Variants in ZNF878 observed in about 807,000 individuals in gnomAD.
ZNF878 encodes the protein zinc finger protein 878.
Under a neutral mutation model 11.1 loss-of-function variants are expected in ZNF878, and 10 were observed. The observed-to-expected ratio is 0.90, with a 90% CI of 0.56 to 1.53. The LOEUF is 1.53. ZNF878 is among the 40% of genes most tolerant of loss of function. The probability of loss-of-function intolerance (pLI) is 0.00; values close to 1 mark genes in which losing one functional copy is unlikely to be tolerated. For missense variants in ZNF878, 548 were observed against 626.1 expected (o/e 0.88, Z 1.33); for synonymous variants, 165 against 209.7 (o/e 0.79, Z 1.84).
intron 1 of ZNF878, among the ~76,000 whole-genome samples, chr19:12,049,905 T>C (rs1239535075): frequency 1.3e-5 from 2 of 151,932 alleles, no homozygotes; most frequent in Non-Finnish European, 2.9e-5. Flanking sequence ...AAGTATATTC[T>C]TACTGACATG....
At chr19:12,043,685 C>G (rs1347235404), downstream of ZNF878, 1 of 987,838 alleles carries the variant, frequency 1.0e-6, no homozygotes, top group African/African-American at 1.6e-5. Context: ...AAGCAATCCT[C>G]CTGCCTTGGC....
intron 2 of ZNF878, 41 bp from the exon 3 acceptor site, chr19:12,046,469 A>C: frequency 6.4e-7 from 1 of 1,555,928 alleles, no homozygotes; most frequent in Middle Eastern, 1.8e-4. Context: ...AATTAGTATA[A>C]AATTATTTTA....
At chr19:12,049,233 G>A (rs1250875124) in intron 1 of ZNF878, among the ~76,000 whole-genome samples, 13 of 150,532 alleles carry the variant, frequency 8.6e-5, no homozygotes, top group Non-Finnish European at 1.5e-4. Context: ...CACTTTGGGA[G>A]GTGGATCACC....
intron 1 of ZNF878, among the ~76,000 whole-genome samples, chr19:12,051,171 C>T (rs60357562): frequency 0.056 from 8,428 of 151,146 alleles, 837 homozygotes; most frequent in African/African-American, 0.2. Flanking sequence ...AGTCCTGGGC[C>T]GGGCGCGGTG....
At chr19:12,049,955 T>G (rs947039160) in intron 1 of ZNF878, among the ~76,000 whole-genome samples, 5 of 152,160 alleles carry the variant, frequency 3.3e-5, no homozygotes, top group African/African-American at 9.7e-5. Context: ...CCGGGTGCGG[T>G]GGCTCATGCC....
intron 3 of ZNF878, 153 bp downstream of exon 3, chr19:12,046,215 G>C: frequency 1.6e-6 from 1 of 618,714 alleles, no homozygotes; most frequent in Non-Finnish European, 2.7e-6. Context: ...ATACACATAA[G>C]CCATGTCACA....
chr19:12,049,151 A>G (rs1293676515), intron 1 of ZNF878, among the ~76,000 whole-genome samples: 2 of 150,944 alleles, frequency 1.3e-5, no homozygotes, highest in African/African-American at 2.4e-5. Flanking sequence ...AAAAAAAAAA[A>G]AAAAAGATAA....
rs1279860101 is a variant in ZNF878 at position 12,044,182 on chromosome 19, C to T, written c.1219G>A (p.Ala407Thr). 2 of 1,607,976 alleles carry T rather than the reference C, an allele frequency of 1.2e-6. No individual in the cohort carries two copies. Among genetic ancestry groups the T allele is most frequent in the Non-Finnish European group, 1.7e-6 (2 of 1,178,288 alleles). ...CKQCGKAFRS[A>T]SVLQKHIRTH... ...CGTATGTGCTTTTGAAGGACTGAGG[C>T]AGATCTGAAGGCTTTCCCACATTGC... The change falls in exon 4 of 4, where the codon GCC (alanine) becomes ACC (threonine). Residue 407 changes from alanine (A) to threonine (T), a missense_variant. Physicochemically the swap from Ala to Thr is moderately conservative, Grantham distance 58. Around this residue, in one of 3 missense-constraint regions of ZNF878, gnomAD observed 335 missense variants for 358.2 expected, o/e 0.94. Transcript: ENST00000547628.
chr19:12,045,040 G>A lies in ZNF878; in HGVS notation c.361C>T (p.Leu121Phe). ...GIGLSSLNRHLRAFSYSSSLA... is the reference protein window; with the variant it reads ...GIGLSSLNRHFRAFSYSSSLA... Reference sequence around the variant, plus strand: ...CTACTGGAATAACTAAAGGCTCTGAGGTGCCTATTAAGGGATGAAAGACCT... The same window carrying A: ...CTACTGGAATAACTAAAGGCTCTGAAGTGCCTATTAAGGGATGAAAGACCT... Residue 121 changes from leucine to phenylalanine, a missense_variant, in exon 4 of 4, where the codon CTC becomes TTC. Coordinates refer to ENST00000547628, the MANE Select transcript of ZNF878 (RefSeq NM_001080404.3). 1 of 1,614,044 alleles carries A rather than the reference G, an allele frequency of 6.2e-7. No homozygotes were observed. Among genetic ancestry groups the A allele is most frequent in the South Asian group, 1.1e-5 (1 of 91,074 alleles).
chr19:12,048,444 G>C (rs1046897807), intron 1 of ZNF878, among the ~76,000 whole-genome samples: 2 of 151,664 alleles, frequency 1.3e-5, no homozygotes, highest in African/African-American at 4.8e-5. Flanking sequence ...CATGAACCCG[G>C]GAGGCGGAGC....
chr19:12,051,696 G>A (rs1450638312), intron 1 of ZNF878, among the ~76,000 whole-genome samples: 1 of 151,946 alleles, frequency 6.6e-6, no homozygotes, highest in Non-Finnish European at 1.5e-5. Flanking sequence ...CACAAAGTCA[G>A]GAGGAGTTCA....
intron 1 of ZNF878, among the ~76,000 whole-genome samples, chr19:12,047,519 G>A (rs190814908): frequency 8.6e-5 from 13 of 151,496 alleles, no homozygotes; most frequent in Non-Finnish European, 1.9e-4. Flanking sequence ...AGCCAAAAAC[G>A]TGCCACCACA....
intron 1 of ZNF878, among the ~76,000 whole-genome samples, chr19:12,049,460 C>CAAAAAAAAAAAA (rs59577895): frequency 0.026 from 930 of 35,906 alleles, 183 homozygotes; most frequent in African/African-American, 0.034. Context: ...GACTCCCTCT[C>CAAAAAAAAAAAA]AAAAAAAAAA....
intron 3 of ZNF878, among the ~76,000 whole-genome samples, chr19:12,045,912 G>T (rs967039748): frequency 6.6e-6 from 1 of 151,806 alleles, no homozygotes; most frequent in African/African-American, 2.4e-5. Flanking sequence ...GTAGAGACAG[G>T]CTTTCACCAT....
chr19:12,049,108 A>G (rs1184396627), intron 1 of ZNF878, among the ~76,000 whole-genome samples: 19 of 148,036 alleles, frequency 1.3e-4, no homozygotes, highest in Non-Finnish European at 4.4e-5. Flanking sequence ...ACGCCACTGC[A>G]CTCCAGCCTG....
rs1226049100 is a variant in ZNF878 at position 12,046,393 on chromosome 19, G to A, written c.166C>T (p.His56Tyr). 1 of 1,577,944 alleles carries A rather than the reference G, an allele frequency of 6.3e-7. No individual in the cohort carries two copies. The highest frequency in any genetic ancestry group is 8.6e-7 in the Non-Finnish European group (1 of 1,160,642). Residue 56 changes from histidine (H) to tyrosine (Y), a missense_variant, in exon 3 of 4, where the codon CAC (histidine) becomes TAC (tyrosine). Transcript: ENST00000547628. Reference protein sequence around the residue: ...KWNNQYIEDEHQNPRRNLRRL... With the variant: ...KWNNQYIEDEYQNPRRNLRRL... ...CTTAGGTTTCTCCTAGGATTTTGGT[G>A]CTCATCTTCAATGTACTGGTTGTTC...
chr19:12,049,057 CG>C (rs1440614707), intron 1 of ZNF878, among the ~76,000 whole-genome samples: 1 of 149,444 alleles, frequency 6.7e-6, no homozygotes, highest in African/African-American at 2.5e-5. Flanking sequence ...GCAGGAGAAT[CG>C]CTTGAACCCA....
intron 3 of ZNF878, among the ~76,000 whole-genome samples, chr19:12,045,530 C>T (rs1975468416): frequency 6.6e-6 from 1 of 151,854 alleles, no homozygotes; most frequent in Non-Finnish European, 1.5e-5. Context: ...TGCCTGCAGT[C>T]CCAGCTACGG....
Position 12,044,612 on chromosome 19 carries a change from G to T in ZNF878, c.789C>A (p.Ala263=). ...ATTGAAAGGAACTGGGACAATTGAA[G>T]GCTTTATCACATTGCTTGCATTTAT... The part of the protein sequence containing the change: ...KRYKCKQCDK[A]FNCPSSFQYH... Residue 263 remains alanine (A), a synonymous_variant, in exon 4 of 4, where the codon GCC becomes GCA. Coordinates refer to ENST00000547628, the MANE Select transcript of ZNF878 (RefSeq NM_001080404.3). 6.2e-7 allele frequency: 1 copy of T among 1,614,008 alleles called. No homozygotes were observed. The highest frequency in any genetic ancestry group is 8.5e-7 in the Non-Finnish European group (1 of 1,179,996).
Sources: allele counts gnomAD v4.1 joint callset (sites outside exome capture counted in the v4.1 genomes callset), GRCh38; gene constraint gnomAD v4.1.1; regional missense constraint gnomAD v4.1.1; transcripts MANE v1.5; gene names NCBI Gene and HGNC (gene_info 2026-07-23, HGNC 2026-07-21).